RNF145: variants seen among roughly 807,000 people sequenced by gnomAD.
RNF145 encodes the protein ring finger protein 145.
RNF145 carries 12 observed loss-of-function variants against 57.3 expected under a neutral mutation model. That is an observed-to-expected ratio of 0.21 (90% CI 0.13 to 0.34). RNF145 has a LOEUF of 0.34. Among genes scored for constraint, RNF145 ranks in the 10% least tolerant of loss-of-function variants. The pLI, the probability that RNF145 is intolerant of heterozygous loss-of-function variation, is 1.00. For synonymous variants in RNF145, 262 were observed against 288.3 expected (o/e 0.91, Z 0.92); for missense variants, 429 against 799.0 (o/e 0.54, Z 5.58).
Position 159,207,641 on chromosome 5 carries a change from C to T in RNF145, c.-40+1590G>A. 3.7e-6 allele frequency: 6 copies of T among 1,607,746 alleles called. No homozygotes were observed. The South Asian group carries it at 6.7e-5, about 18-fold the overall frequency. On this transcript the variant is annotated intron_variant, in intron 1 of 10. Coordinates refer to ENST00000424310, the MANE Select transcript of RNF145 (RefSeq NM_001199383.2). Reference sequence around the variant, plus strand: ...AGAGCCTAAAATTCTAAGTAAAAGCCCAGAACTGAGATACCAGGAAAGAGA... The same window carrying T: ...AGAGCCTAAAATTCTAAGTAAAAGCTCAGAACTGAGATACCAGGAAAGAGA...
chr5:159,209,831 A>G, upstream of RNF145: 1 of 1,535,230 alleles, frequency 6.5e-7, no homozygotes, highest in Non-Finnish European at 8.7e-7. Context: ...CACGGGCCGC[A>G]AGCGCTCACA....
At chr5:159,198,268 T>C (rs1267381111) in intron 2 of RNF145, among the ~76,000 whole-genome samples, 1 of 134,930 alleles carries the variant, frequency 7.4e-6, no homozygotes, top group African/African-American at 2.6e-5. Context: ...AATAAATAAA[T>C]AAATAAATAA....
chr5:159,195,782 T>C (rs149917729), intron 2 of RNF145, among the ~76,000 whole-genome samples: 11 of 152,352 alleles, frequency 7.2e-5, no homozygotes, highest in African/African-American at 2.6e-4. Context: ...ATAAATGTTA[T>C]CAACAAAGTT....
chr5:159,201,465 T>C lies in RNF145; in HGVS notation c.184+1969A>G, dbSNP rs969409737. Among the ~76,000 whole-genome samples, 33 of 152,150 alleles carry C rather than the reference T, an allele frequency of 2.2e-4. 2 individuals are homozygous for C. Among genetic ancestry groups the C allele is most frequent in the Admixed American group, 1.9e-3 (29 of 15,268 alleles). Reference sequence around the variant, plus strand: ...TCCACCAATGGAGTAATTAGTTCAATAAATTATGGTATATCCATACGAAGA... The same window carrying C: ...TCCACCAATGGAGTAATTAGTTCAACAAATTATGGTATATCCATACGAAGA... On this transcript the variant is annotated intron_variant, in intron 2 of 10. Coordinates refer to ENST00000424310, the MANE Select transcript of RNF145 (RefSeq NM_001199383.2).
rs763652016 is a variant in RNF145 at position 159,161,636 on chromosome 5, A to G, written c.1270-14T>C. On this transcript the variant is annotated splice_polypyrimidine_tract_variant and intron_variant, in intron 9 of 10. Coordinates refer to ENST00000424310, the MANE Select transcript of RNF145 (RefSeq NM_001199383.2). ...TGTTCCCAGAACCTGAAAAAAAAAA[A>G]AAAATGTACGTATCTTGAAATATGA... The G allele has an allele frequency of 2.8e-6, 2 of 721,388 alleles. No homozygotes were observed. The highest frequency in any genetic ancestry group is 4.5e-5 in the African/African-American group (2 of 44,928). The allele number at this position is 721,388 out of a possible 1,614,324, so 44.7% of individuals were successfully genotyped here.
intron 6 of RNF145, among the ~76,000 whole-genome samples, chr5:159,170,591 CTT>C (rs1218058575): frequency 6.6e-6 from 1 of 152,064 alleles, no homozygotes; most frequent in Non-Finnish European, 1.5e-5. Context: ...CAATATCTAT[CTT>C]ATATATACGT....
chr5:159,185,385 A>C (rs187182769), intron 3 of RNF145, among the ~76,000 whole-genome samples: 16 of 152,326 alleles, frequency 1.1e-4, no homozygotes, highest in African/African-American at 3.8e-4. Flanking sequence ...CAAACTGTAG[A>C]GAATAACTGA....
At chr5:159,187,289 C>A (rs1267712313) in intron 3 of RNF145, among the ~76,000 whole-genome samples, 2 of 150,818 alleles carry the variant, frequency 1.3e-5, no homozygotes, top group African/African-American at 4.9e-5. Context: ...TCTCAAAAAA[C>A]AAACAAACAA....
At chr5:159,188,486 A>G (rs1415627545) in intron 3 of RNF145, among the ~76,000 whole-genome samples, 4 of 151,522 alleles carry the variant, frequency 2.6e-5, no homozygotes, top group Non-Finnish European at 5.9e-5. Flanking sequence ...TGACCACCAC[A>G]CTCTCACAGG....
At chr5:159,196,379 T>C (rs534809513) in intron 2 of RNF145, among the ~76,000 whole-genome samples, 2 of 152,264 alleles carry the variant, frequency 1.3e-5, no homozygotes, top group Admixed American at 1.3e-4. Flanking sequence ...CAGGGTAATA[T>C]TCCTAACACC....
chr5:159,180,461 C>T (rs550130088), intron 4 of RNF145, among the ~76,000 whole-genome samples: 4 of 152,090 alleles, frequency 2.6e-5, no homozygotes, highest in Non-Finnish European at 4.4e-5. Context: ...AAGAAACTTA[C>T]ATCCTTTGCT....
chr5:159,181,770 A>G lies in RNF145; in HGVS notation c.385+190T>C, dbSNP rs920496347. On this transcript the variant is annotated intron_variant, in intron 4 of 10. Transcript: ENST00000424310. ...CACTATGTACAATATGACTATAAAT[A>G]CATAATCTATACATGGGGAAAAGAA... Among the ~76,000 whole-genome samples, 9 of 152,032 alleles carry G rather than the reference A, an allele frequency of 5.9e-5. No homozygotes were observed. In the East Asian group the frequency reaches 1.7e-3, roughly 29 times the overall value.
rs149649515 is a variant in RNF145, at chr5:159,158,496, T to C, written c.*174A>G. 9.6e-5 allele frequency: 70 copies of C among 732,900 alleles called. No individual in the cohort carries two copies. The highest frequency in any genetic ancestry group is 3.9e-4 in the Middle Eastern group (1 of 2,566). 45.4% of individuals were successfully genotyped at this position (732,900 alleles called of 1,614,324 possible). A position where few individuals can be genotyped will look rare whatever the true frequency, so the allele number is the denominator to read the frequency against. ...ATACATTGCAAAATTTCTCCCACAA[T>C]GTCAGGGGATGAAAGCAGGTGGTCC... On this transcript the variant is annotated 3_prime_UTR_variant, in exon 11 of 11. Coordinates refer to ENST00000424310, the MANE Select transcript of RNF145 (RefSeq NM_001199383.2).
chr5:159,188,081 C>T (rs1302874851), intron 3 of RNF145, among the ~76,000 whole-genome samples: 2 of 152,030 alleles, frequency 1.3e-5, no homozygotes, highest in Non-Finnish European at 2.9e-5. Context: ...AACAATAAAA[C>T]AAGGAATTTA....
At chr5:159,168,694 A>T (rs1208469899) in intron 8 of RNF145, among the ~76,000 whole-genome samples, 179 bp downstream of exon 8, 3 of 152,212 alleles carry the variant, frequency 2.0e-5, no homozygotes, top group Non-Finnish European at 4.4e-5. Context: ...ACAAAAGTCA[A>T]GTAAGTCAGA....
Position 159,209,394 on chromosome 5 carries a change from T to G in RNF145, c.-203A>C, listed in dbSNP as rs1786024310. The G allele has an allele frequency of 1.0e-6, 1 of 984,718 alleles. No homozygotes were observed. The highest frequency in any genetic ancestry group is 1.8e-5 in the African/African-American group (1 of 56,896). 61.0% of individuals were successfully genotyped at this position (984,718 alleles called of 1,614,324 possible). ...TTCTGCGCCGAGCCTCGGATGTTGC[T>G]TCTGGGGAGGCGGAGGCAGCGGCAG... is the stretch of plus-strand genomic sequence containing the variant. On this transcript the variant is annotated 5_prime_UTR_variant, in exon 1 of 11. Coordinates refer to ENST00000424310, the MANE Select transcript of RNF145 (RefSeq NM_001199383.2).
At chr5:159,177,161 C>G (rs561690069) in intron 4 of RNF145, among the ~76,000 whole-genome samples, 2 of 152,170 alleles carry the variant, frequency 1.3e-5, no homozygotes, top group African/African-American at 4.8e-5. Flanking sequence ...TAAACAATGT[C>G]TAATTCAGTA....
At chr5:159,168,783 G>T in intron 8 of RNF145, 90 bp downstream of exon 8, 3 of 810,356 alleles carry the variant, frequency 3.7e-6, no homozygotes, top group Non-Finnish European at 5.4e-6. Flanking sequence ...TCCATTTTCT[G>T]TCTCTAAATA....
chr5:159,180,452 A>G (rs1301411634), intron 4 of RNF145, among the ~76,000 whole-genome samples: 3 of 152,116 alleles, frequency 2.0e-5, no homozygotes, highest in Non-Finnish European at 2.9e-5. Context: ...CTAGTTCACA[A>G]GAAACTTACA....
Sources: allele counts gnomAD v4.1 joint callset (sites outside exome capture counted in the v4.1 genomes callset), GRCh38; gene constraint gnomAD v4.1.1; transcripts MANE v1.5; gene names NCBI Gene and HGNC (gene_info 2026-07-23, HGNC 2026-07-21).